Variants in UNC13C observed in about 807,000 individuals in gnomAD.
The protein encoded by UNC13C is unc-13 homolog C.
A neutral mutation model predicts 245.4 loss-of-function variants in UNC13C; 174 were observed. The observed-to-expected ratio is 0.71, with a 90% confidence interval of 0.63 to 0.80. The LOEUF (loss-of-function observed/expected upper bound fraction) is 0.80, where lower values mean the gene tolerates loss of function less well. Ranked by LOEUF, UNC13C falls within the 30% of genes least tolerant of loss-of-function variation. The pLI, the probability that UNC13C is intolerant of heterozygous loss-of-function variation, is 0.00. For missense variants in UNC13C, 2,829 were observed against 2,602.9 expected, an observed-to-expected ratio of 1.09 and a Z score of -1.89; for synonymous variants, 992 against 895.1, an observed-to-expected ratio of 1.11 and a Z score of -1.93.
rs569698391 is a variant in UNC13C, at chr15:54,391,900, T to G, written c.4714-1148T>G. Among the ~76,000 whole-genome samples, 4 of 152,232 alleles carry G rather than the reference T, an allele frequency of 2.6e-5. No homozygotes were observed. In the South Asian group the frequency reaches 8.3e-4, roughly 32 times the overall value. On this transcript the variant is annotated intron_variant, in intron 17 of 32. Transcript: ENST00000260323. Reference sequence around the variant, plus strand: ...TATGGTTACATATCATGATTTGCACTGGAACATATGCATATACAACCATTC... The same window carrying G: ...TATGGTTACATATCATGATTTGCACGGGAACATATGCATATACAACCATTC...
the UNC13C span, among the ~76,000 whole-genome samples, chr15:53,925,380 G>C: frequency 6.6e-6 from 1 of 151,904 alleles, no homozygotes; most frequent in African/African-American, 2.4e-5. Flanking sequence ...AACCCCAAAG[G>C]GTCTGTGTTT....
chr15:54,179,248 T>G (rs1044052571), intron 4 of UNC13C, among the ~76,000 whole-genome samples: 11 of 152,050 alleles, frequency 7.2e-5, no homozygotes, highest in African/African-American at 2.4e-4. Flanking sequence ...CAATAAAAAA[T>G]TATTGAAAAT....
chr15:53,965,149 T>C, the UNC13C span, among the ~76,000 whole-genome samples: 1 of 152,186 alleles, frequency 6.6e-6, no homozygotes, highest in Admixed American at 6.5e-5. Context: ...CATAAGACGA[T>C]GTGAACTATG....
intron 24 of UNC13C, among the ~76,000 whole-genome samples, chr15:54,523,091 C>G (rs74016645): frequency 2.6e-5 from 4 of 152,268 alleles, no homozygotes; most frequent in Admixed American, 6.5e-5. Context: ...AGGCAATGAG[C>G]TCTCAGCTCC....
chr15:54,186,845 G>C (rs7172453), intron 4 of UNC13C, among the ~76,000 whole-genome samples: 1 of 113,382 alleles, frequency 8.8e-6, no homozygotes, highest in African/African-American at 4.7e-5. Flanking sequence ...TAATATATAT[G>C]TATATATATA....
chr15:54,423,652 G>A (rs774351819), intron 19 of UNC13C, among the ~76,000 whole-genome samples: 1 of 151,908 alleles, frequency 6.6e-6, no homozygotes, highest in Non-Finnish European at 1.5e-5. Context: ...ATTATTGCCA[G>A]AAGGAAAAAT....
the UNC13C span, among the ~76,000 whole-genome samples, chr15:53,923,922 A>G: frequency 6.6e-6 from 1 of 152,244 alleles, no homozygotes; most frequent in African/African-American, 2.4e-5. Context: ...GAGAGACAGC[A>G]CGGGCTGGGC....
chr15:54,572,119 G>C (rs1349496435), intron 30 of UNC13C, among the ~76,000 whole-genome samples: 1 of 151,936 alleles, frequency 6.6e-6, no homozygotes, highest in Non-Finnish European at 1.5e-5. Flanking sequence ...CAAACCTAAT[G>C]TCAGGTGGCT....
intron 13 of UNC13C, among the ~76,000 whole-genome samples, chr15:54,313,468 A>AT (rs1183215047): frequency 4.0e-5 from 6 of 151,802 alleles, no homozygotes; most frequent in Non-Finnish European, 7.4e-5. Flanking sequence ...GCTGATTCAA[A>AT]TTTTGCCTAT....
chr15:54,053,795 A>C (rs915856538), intron 2 of UNC13C, among the ~76,000 whole-genome samples: 27 of 151,458 alleles, frequency 1.8e-4, no homozygotes, highest in African/African-American at 6.3e-4. Flanking sequence ...ACCCCCAACT[A>C]CCCTTCCTAG....
the UNC13C span, among the ~76,000 whole-genome samples, chr15:53,953,058 A>C: frequency 3.9e-5 from 6 of 152,184 alleles, no homozygotes; most frequent in African/African-American, 1.2e-4. Context: ...GTTGTAATTG[A>C]ATTAGCACCT....
chr15:53,959,858 T>C, the UNC13C span, among the ~76,000 whole-genome samples: 25,987 of 152,140 alleles, frequency 0.17, 3,247 homozygotes, highest in East Asian at 0.39. Flanking sequence ...TTACAGTATC[T>C]GAGCTGGGTA....
intron 19 of UNC13C, among the ~76,000 whole-genome samples, chr15:54,433,120 G>C (rs111382893): frequency 0.14 from 21,944 of 151,950 alleles, 1,629 homozygotes; most frequent in Non-Finnish European, 0.17. Flanking sequence ...AAACAGCCCA[G>C]GACCAGATGG....
At chr15:54,593,362 C>A (rs946234472) in intron 30 of UNC13C, among the ~76,000 whole-genome samples, 5 of 152,116 alleles carry the variant, frequency 3.3e-5, no homozygotes, top group Non-Finnish European at 7.3e-5. Flanking sequence ...AGGTTTCTAT[C>A]AAGGCCAGAG....
At chr15:53,850,474 C>T in the UNC13C span, among the ~76,000 whole-genome samples, 2 of 152,054 alleles carry the variant, frequency 1.3e-5, no homozygotes, top group Non-Finnish European at 2.9e-5. Flanking sequence ...TGTATAACAA[C>T]CCCTACTCCC....
chr15:54,336,418 G>A (rs149439681), intron 16 of UNC13C, among the ~76,000 whole-genome samples: 1 of 151,580 alleles, frequency 6.6e-6, no homozygotes, highest in Admixed American at 6.6e-5. Context: ...TTTTTGCCTT[G>A]TTTGTGCCTT....
intron 29 of UNC13C, among the ~76,000 whole-genome samples, chr15:54,566,670 G>A (rs761088640): frequency 6.6e-6 from 1 of 151,862 alleles, no homozygotes; most frequent in Non-Finnish European, 1.5e-5. Context: ...GTATACTCTC[G>A]GAAAGTACAA....
At chr15:54,587,186 G>A (rs1304332747) in intron 30 of UNC13C, among the ~76,000 whole-genome samples, 2 of 151,850 alleles carry the variant, frequency 1.3e-5, no homozygotes, top group Non-Finnish European at 2.9e-5. Flanking sequence ...CTTATAAGGT[G>A]AAATGACAGA....
At chr15:53,873,947 C>CCTTA in the UNC13C span, among the ~76,000 whole-genome samples, 2 of 101,378 alleles carry the variant, frequency 2.0e-5, no homozygotes, top group African/African-American at 8.8e-5. Context: ...TTCCTTCCTT[C>CCTTA]CTTCCTTCCT....
Sources: gnomAD v4.1 joint callset for allele counts (sites outside exome capture counted in the v4.1 genomes callset) on GRCh38, gnomAD v4.1.1 for gene constraint, MANE v1.5 for transcripts, NCBI Gene and HGNC (gene_info 2026-07-23, HGNC 2026-07-21) for gene names.